MIPOL1: variants seen among roughly 807,000 people sequenced by gnomAD.
MIPOL1 encodes mirror-image polydactyly 1.
A neutral mutation model predicts 60.9 loss-of-function variants in MIPOL1; 57 were observed. The observed-to-expected ratio is 0.94, with a 90% CI of 0.76 to 1.17. MIPOL1 has a LOEUF of 1.17. Ranked by LOEUF, MIPOL1 falls within the 50% of genes most tolerant of loss-of-function variation. The probability of loss-of-function intolerance (pLI) is 0.00; values close to 1 mark genes in which losing one functional copy is unlikely to be tolerated. For missense variants in MIPOL1, 551 were observed against 511.6 expected, an observed-to-expected ratio of 1.08 and a Z score of -0.74; for synonymous variants, 179 against 168.8, an observed-to-expected ratio of 1.06 and a Z score of -0.47.
rs550998407 is a variant in MIPOL1 at position 37,353,521 on chromosome 14, G to C, written c.829-15996G>C. Among the ~76,000 whole-genome samples the C allele has an allele frequency of 6.1e-3, 934 of 152,210 alleles. 8 individuals are homozygous for C. Among genetic ancestry groups the C allele is most frequent in the African/African-American group, 0.02 (810 of 41,518 alleles). On this transcript the variant is annotated intron_variant, in intron 9 of 12. Transcript: ENST00000684589. ...TGTACCTCTGGTAGAATTCGGCTGT[G>C]AATCCATCTGGTCCTGGACTCTTTT... is the stretch of plus-strand genomic sequence containing the variant.
intron 9 of MIPOL1, among the ~76,000 whole-genome samples, chr14:37,341,363 G>A (rs532077677): frequency 1.2e-4 from 19 of 152,214 alleles, no homozygotes; most frequent in South Asian, 4.1e-4. Context: ...TAAAAAGAGC[G>A]TTCTGATTTT....
chr14:37,226,514 T>C (rs1216601063), intron 1 of MIPOL1, among the ~76,000 whole-genome samples: 3 of 152,210 alleles, frequency 2.0e-5, no homozygotes, highest in South Asian at 2.1e-4. Context: ...ATGAGACTTA[T>C]TCACTACCAC....
At chr14:37,386,408 C>G (rs957614368) in intron 10 of MIPOL1, among the ~76,000 whole-genome samples, 1 of 151,952 alleles carries the variant, frequency 6.6e-6, no homozygotes, top group Non-Finnish European at 1.5e-5. Context: ...ACAGTTATGT[C>G]AAGCCTGGTT....
chr14:37,457,129 G>A (rs2094485387), intron 11 of MIPOL1, among the ~76,000 whole-genome samples: 1 of 152,250 alleles, frequency 6.6e-6, no homozygotes, highest in East Asian at 1.9e-4. Flanking sequence ...GGCATCTGGG[G>A]ACTTTGGTGT....
At chr14:37,459,908 C>G (rs535466189) in intron 11 of MIPOL1, among the ~76,000 whole-genome samples, 1 of 151,952 alleles carries the variant, frequency 6.6e-6, no homozygotes, top group African/African-American at 2.4e-5. Flanking sequence ...AACCCTGTCT[C>G]TACTAAAAAT....
rs1489726800 is a variant in MIPOL1, at chr14:37,476,981, G to A, written c.1032-22927G>A. ...AGTGGCGTGATCTCAGCTCACTGCA[G>A]CCTCCTCCTCCCAGGTTCCAGCAAT... is the stretch of plus-strand genomic sequence containing the variant. On this transcript the variant is annotated intron_variant, in intron 11 of 12. Coordinates refer to ENST00000684589, the MANE Select transcript of MIPOL1 (RefSeq NM_001388067.1). Among the ~76,000 whole-genome samples, 5 of 142,612 alleles carry A rather than the reference G, an allele frequency of 3.5e-5. No homozygotes were observed. In the East Asian group the frequency reaches 1.1e-3, roughly 31 times the overall value. 93.6% of individuals were successfully genotyped at this position (142,612 alleles called of 152,430 possible). A position where few individuals can be genotyped will look rare whatever the true frequency, so the allele number is the denominator to read the frequency against.
chr14:37,266,588 T>C (rs988544769), intron 3 of MIPOL1, among the ~76,000 whole-genome samples: 1 of 152,148 alleles, frequency 6.6e-6, no homozygotes, highest in Non-Finnish European at 1.5e-5. Context: ...GGGACATATT[T>C]TTAAAAAACT....
intron 1 of MIPOL1, among the ~76,000 whole-genome samples, chr14:37,224,282 C>A (rs1016490941): frequency 8.5e-5 from 13 of 152,094 alleles, no homozygotes; most frequent in Admixed American, 6.5e-4. Flanking sequence ...CAGTTTGAGA[C>A]CAGCCTGGGC....
At chr14:37,304,210 G>A (rs1203646971) in intron 7 of MIPOL1, among the ~76,000 whole-genome samples, 1 of 151,534 alleles carries the variant, frequency 6.6e-6, no homozygotes, top group Non-Finnish European at 1.5e-5. Flanking sequence ...ATCCTTTGTT[G>A]TCTTTTTTCT....
At chr14:37,271,982 T>C (rs2083331331) in intron 6 of MIPOL1, among the ~76,000 whole-genome samples, 1 of 151,598 alleles carries the variant, frequency 6.6e-6, no homozygotes, top group Non-Finnish European at 1.5e-5. Context: ...AAGCAGATAC[T>C]TTACATATTT....
In MIPOL1 at chr14:37,216,460, A is replaced by G. The variant is rs145337577; in HGVS notation, c.-199+18356A>G. On this transcript the variant is annotated intron_variant, in intron 1 of 12. Coordinates refer to ENST00000684589, the MANE Select transcript of MIPOL1 (RefSeq NM_001388067.1). ...CTAATAGATAGTTACAGAACATTTA[A>G]GTGAAGAGCTACAGAATACACATTC... Among the ~76,000 whole-genome samples, 757 of 152,338 alleles carry G rather than the reference A, an allele frequency of 5.0e-3. 5 individuals carry two copies. The highest frequency in any genetic ancestry group is 0.017 in the African/African-American group (715 of 41,572).
At chr14:37,237,207 G>A (rs1186964232) in intron 1 of MIPOL1, among the ~76,000 whole-genome samples, 3 of 152,118 alleles carry the variant, frequency 2.0e-5, no homozygotes, top group African/African-American at 7.2e-5. Context: ...TGAGCTAGGT[G>A]AAACAGAGGA....
At chr14:37,422,744 A>C (rs1344697329) in intron 10 of MIPOL1, 111 bp from the exon 11 acceptor site, 6 of 680,590 alleles carry the variant, frequency 8.8e-6, no homozygotes, top group Non-Finnish European at 1.2e-5. Flanking sequence ...AAACATTCAT[A>C]GGTTTTTTTT....
chr14:37,320,435 A>G (rs1389275560), intron 9 of MIPOL1, among the ~76,000 whole-genome samples: 1 of 151,518 alleles, frequency 6.6e-6, no homozygotes, highest in Non-Finnish European at 1.5e-5. Context: ...ATGTTTTTTG[A>G]CCATTTTGAT....
At chr14:37,523,562 C>CA in intron 12 of MIPOL1, 1 of 417,904 alleles carries the variant, frequency 2.4e-6, no homozygotes. Context: ...GTTGCACATT[C>CA]AAAACAGGTC....
intron 11 of MIPOL1, among the ~76,000 whole-genome samples, chr14:37,442,313 A>C (rs1380390397): frequency 6.6e-6 from 1 of 152,070 alleles, no homozygotes; most frequent in East Asian, 1.9e-4. Flanking sequence ...CATATTGTCA[A>C]CAAAGAGAGA....
intron 11 of MIPOL1, among the ~76,000 whole-genome samples, chr14:37,453,118 G>A (rs1198620810): frequency 2.0e-5 from 3 of 152,090 alleles, no homozygotes. Flanking sequence ...CATACATAGA[G>A]CTTTAAAAGT....
intron 1 of MIPOL1, among the ~76,000 whole-genome samples, chr14:37,237,238 A>G (rs1016159637): frequency 6.6e-6 from 1 of 151,980 alleles, no homozygotes; most frequent in Non-Finnish European, 1.5e-5. Context: ...TCAGTCCTTA[A>G]ATATCCCCTA....
At chr14:37,456,365 G>A (rs1438412449) in intron 11 of MIPOL1, among the ~76,000 whole-genome samples, 2 of 151,914 alleles carry the variant, frequency 1.3e-5, no homozygotes, top group Non-Finnish European at 2.9e-5. Flanking sequence ...TTATAGCCTG[G>A]GACCCTGTTC....
Sources: allele counts gnomAD v4.1 joint callset (sites outside exome capture counted in the v4.1 genomes callset), GRCh38; gene constraint gnomAD v4.1.1; transcripts MANE v1.5; gene names NCBI Gene and HGNC (gene_info 2026-07-23, HGNC 2026-07-21).